Variants in FRMPD4 observed in about 807,000 individuals in gnomAD.
The protein encoded by FRMPD4 is FERM and PDZ domain-containing protein 4.
A neutral mutation model predicts 94.1 loss-of-function variants in FRMPD4; 22 were observed. The observed-to-expected ratio is 0.23, with a 90% CI of 0.17 to 0.33. FRMPD4 has a LOEUF of 0.33. Ranked by LOEUF, FRMPD4 falls within the 10% of genes least tolerant of loss-of-function variation. The probability of loss-of-function intolerance (pLI) is 1.00; values close to 1 mark genes in which losing one functional copy is unlikely to be tolerated. For missense variants in FRMPD4, 1,111 were observed against 1,339.9 expected (o/e 0.83, Z 2.67); for synonymous variants, 631 against 548.6 (o/e 1.15, Z -2.10).
chrX:12,719,783 C>T (rs1180934396), intron 16 of FRMPD4, among the ~76,000 whole-genome samples: 1 of 110,886 alleles, frequency 9.0e-6, no homozygotes, highest in African/African-American at 3.3e-5. Context: ...ACCTGAGTTA[C>T]CTCTTGCTTC....
At chrX:12,035,664 C>G (rs2054716819) in intron 3 of FRMPD4, among the ~76,000 whole-genome samples, 1 of 111,317 alleles carries the variant, frequency 9.0e-6, no homozygotes, top group Non-Finnish European at 1.9e-5. Flanking sequence ...GTACATTTCT[C>G]AGTACATTGG....
chrX:12,681,711 A>C (rs1333972761), intron 5 of FRMPD4, among the ~76,000 whole-genome samples: 1 of 110,227 alleles, frequency 9.1e-6, no homozygotes, highest in Non-Finnish European at 1.9e-5. Flanking sequence ...ACACACACAC[A>C]CACACACGCA....
chrX:12,684,231 G>C (rs1332584652), intron 6 of FRMPD4, among the ~76,000 whole-genome samples: 2 of 112,343 alleles, frequency 1.8e-5, no homozygotes, highest in Non-Finnish European at 3.8e-5. Flanking sequence ...AAAATATACT[G>C]AAGTGTTTTC....
intron 1 of FRMPD4, among the ~76,000 whole-genome samples, chrX:12,196,845 G>C (rs998270794): frequency 9.1e-6 from 1 of 109,381 alleles, no homozygotes; most frequent in Non-Finnish European, 1.9e-5. Context: ...ATTTGACTGC[G>C]TGTTTCTTTC....
intron 3 of FRMPD4, among the ~76,000 whole-genome samples, chrX:12,018,245 T>C (rs1318362200): frequency 9.0e-6 from 1 of 110,674 alleles, no homozygotes; most frequent in Non-Finnish European, 1.9e-5. Context: ...AGGGAAAATC[T>C]GTATCATGCC....
chrX:11,924,984 T>A (rs1202312518), intron 3 of FRMPD4, among the ~76,000 whole-genome samples: 2 of 111,186 alleles, frequency 1.8e-5, no homozygotes, highest in Admixed American at 9.5e-5. Context: ...CCAAGACTCA[T>A]TAGTATGCTG....
rs1393080681 is a variant in FRMPD4 at position 12,194,146 on chromosome X, T to A, written c.41+55134T>A. On this transcript the variant is annotated intron_variant, in intron 1 of 16. Transcript: ENST00000675598. The stretch of plus-strand genomic sequence containing the variant: ...TGCTGTTTTTGCCCAATTCTTATAT[T>A]TTTCCTACGCAAGTTCAGGAGGGCC... Among the ~76,000 whole-genome samples, 8 of 110,762 alleles carry A rather than the reference T, an allele frequency of 7.2e-5. No individual in the cohort carries two copies. The East Asian group carries it at 2.0e-3, about 28-fold the overall frequency.
At chrX:12,255,038 A>T (rs1414049708) in intron 1 of FRMPD4, among the ~76,000 whole-genome samples, 1 of 111,635 alleles carries the variant, frequency 9.0e-6, no homozygotes, top group Non-Finnish European at 1.9e-5. Context: ...GAACTTTCAG[A>T]GGCAGTGACA....
chrX:12,396,490 A>G (rs761562651), intron 1 of FRMPD4, among the ~76,000 whole-genome samples: 1 of 112,271 alleles, frequency 8.9e-6, no homozygotes, highest in East Asian at 2.8e-4. Flanking sequence ...GTTTTGTTTA[A>G]TCATTAACTT....
chrX:12,375,861 C>T (rs758254655), intron 1 of FRMPD4, among the ~76,000 whole-genome samples: 4 of 112,059 alleles, frequency 3.6e-5, no homozygotes, highest in South Asian at 3.8e-4. Flanking sequence ...TTCTTCCCAG[C>T]GTATTTGGGA....
At chrX:12,489,006 T>C (rs2057766152) in intron 1 of FRMPD4, among the ~76,000 whole-genome samples, 1 of 111,817 alleles carries the variant, frequency 8.9e-6, no homozygotes, top group African/African-American at 3.2e-5. Context: ...TTTGATACAA[T>C]GGTGGAGTTG....
intron 4 of FRMPD4, among the ~76,000 whole-genome samples, chrX:12,637,605 A>T (rs1349106237): frequency 9.0e-6 from 1 of 111,210 alleles, no homozygotes; most frequent in Non-Finnish European, 1.9e-5. Flanking sequence ...GCTTGAGCCC[A>T]GGAGTTGGAG....
intron 1 of FRMPD4, among the ~76,000 whole-genome samples, chrX:12,243,672 G>GT (rs1328143750): frequency 1.9e-5 from 2 of 106,503 alleles, no homozygotes; most frequent in African/African-American, 6.9e-5. Context: ...TTCCATGGAA[G>GT]TTTTTGTCTA....
At chrX:12,504,568 G>A (rs2057959273) in intron 2 of FRMPD4, among the ~76,000 whole-genome samples, 1 of 112,453 alleles carries the variant, frequency 8.9e-6, no homozygotes, top group Non-Finnish European at 1.9e-5. Context: ...TGAACATTAG[G>A]AGCTGTTTAT....
At chrX:12,458,706 C>G (rs772022909) in intron 1 of FRMPD4, among the ~76,000 whole-genome samples, 3 of 111,351 alleles carry the variant, frequency 2.7e-5, no homozygotes, top group Admixed American at 1.9e-4. Flanking sequence ...CAGGTCAGGG[C>G]CAGCTCAGCT....
At chrX:12,067,030 C>G (rs1474313067) in intron 3 of FRMPD4, among the ~76,000 whole-genome samples, 1 of 109,209 alleles carries the variant, frequency 9.2e-6, no homozygotes, top group African/African-American at 3.3e-5. Flanking sequence ...CCACCATGCC[C>G]AGCTAGTTTT....
intron 1 of FRMPD4, among the ~76,000 whole-genome samples, chrX:12,395,260 C>T (rs1363855226): frequency 8.9e-6 from 1 of 112,215 alleles, no homozygotes; most frequent in East Asian, 2.8e-4. Context: ...AGCTAGGCCT[C>T]TAACAAAACC....
At chrX:12,117,447 C>A (rs1001504376) in intron 3 of FRMPD4, among the ~76,000 whole-genome samples, 1 of 110,911 alleles carries the variant, frequency 9.0e-6, no homozygotes, top group Non-Finnish European at 1.9e-5. Flanking sequence ...TCTGCCGCCA[C>A]CATTGTGTAT....
At chrX:12,284,191 T>C (rs190689133) in intron 1 of FRMPD4, among the ~76,000 whole-genome samples, 1 of 111,882 alleles carries the variant, frequency 8.9e-6, no homozygotes. Flanking sequence ...AAGTATAATA[T>C]GGGCCTCAAA....
Sources: allele counts gnomAD v4.1 joint callset (sites outside exome capture counted in the v4.1 genomes callset), GRCh38; gene constraint gnomAD v4.1.1; transcripts MANE v1.5; gene names NCBI Gene and HGNC (gene_info 2026-07-23, HGNC 2026-07-21).